Variants in ZBTB7C observed in about 807,000 individuals in gnomAD.
ZBTB7C encodes the protein zinc finger and BTB domain-containing protein 7C.
ZBTB7C carries 8 observed loss-of-function variants against 25.7 expected under a neutral mutation model. The ratio of observed to expected loss-of-function variants is 0.31; its 90% CI spans 0.18 to 0.56. The LOEUF (loss-of-function observed/expected upper bound fraction) is 0.56, where lower values mean the gene tolerates loss of function less well. ZBTB7C is among the 20% of genes least tolerant of loss of function. The pLI, the probability that ZBTB7C is intolerant of heterozygous loss-of-function variation, is 0.91. For synonymous variants in ZBTB7C, 394 were observed against 369.0 expected, an observed-to-expected ratio of 1.07 and a Z score of -0.78; for missense variants, 824 against 855.2, an observed-to-expected ratio of 0.96 and a Z score of 0.46.
At chr18:48,208,016 C>A (rs997892469) in intron 2 of ZBTB7C, among the ~76,000 whole-genome samples, 1 of 142,080 alleles carries the variant, frequency 7.0e-6, no homozygotes, top group Non-Finnish European at 1.5e-5. Flanking sequence ...GGACACTTTA[C>A]TGAAAAGGTA....
intron 2 of ZBTB7C, among the ~76,000 whole-genome samples, chr18:48,243,906 C>T (rs2043601243): frequency 6.6e-6 from 1 of 152,102 alleles, no homozygotes. Flanking sequence ...GCAAAGCAAA[C>T]AAAAACATAA....
chr18:48,059,562 T>C (rs1236757095), intron 3 of ZBTB7C, among the ~76,000 whole-genome samples: 2 of 152,184 alleles, frequency 1.3e-5, no homozygotes, highest in African/African-American at 4.8e-5. Flanking sequence ...AGTGGTCTCC[T>C]GGAGGGAGGG....
intron 2 of ZBTB7C, among the ~76,000 whole-genome samples, chr18:48,286,490 T>C (rs776661499): frequency 9.9e-5 from 15 of 152,064 alleles, no homozygotes; most frequent in Non-Finnish European, 2.2e-4. Flanking sequence ...AGATTACTAC[T>C]TGATGCAATA....
At chr18:48,187,700 A>G (rs2042091900) in intron 2 of ZBTB7C, among the ~76,000 whole-genome samples, 1 of 151,714 alleles carries the variant, frequency 6.6e-6, no homozygotes, top group Admixed American at 6.6e-5. Flanking sequence ...CGGTGCCTGT[A>G]GTACCAGCTA....
chr18:48,100,372 G>C (rs1189794732), intron 3 of ZBTB7C, among the ~76,000 whole-genome samples: 1 of 152,214 alleles, frequency 6.6e-6, no homozygotes, highest in African/African-American at 2.4e-5. Context: ...GGTTCTGCCA[G>C]AGGAAAATTC....
rs75390581 is a variant in ZBTB7C at position 48,311,147 on chromosome 18, C to T, written c.-79+27027G>A. ...GGGTAGGCATCTCTTCCTCATGTTC[C>T]CATAGCACCATCTGCTTCCTAAGGC... is the stretch of plus-strand genomic sequence containing the variant. On this transcript the variant is annotated intron_variant, in intron 2 of 4. Coordinates refer to ENST00000590800, the MANE Select transcript of ZBTB7C (RefSeq NM_001318841.2). Among the ~76,000 whole-genome samples the T allele has an allele frequency of 1.1e-3, 171 of 152,254 alleles. 2 individuals carry two copies. The East Asian group carries it at 0.032, about 28-fold the overall frequency.
At chr18:48,366,752 A>G (rs886761675) in intron 1 of ZBTB7C, among the ~76,000 whole-genome samples, 2 of 152,252 alleles carry the variant, frequency 1.3e-5, no homozygotes, top group African/African-American at 4.8e-5. Context: ...CAGTTTTCAT[A>G]TATCAGGTTG....
At chr18:48,112,643 C>T (rs1041940041) in intron 3 of ZBTB7C, among the ~76,000 whole-genome samples, 1 of 152,234 alleles carries the variant, frequency 6.6e-6, no homozygotes, top group East Asian at 1.9e-4. Flanking sequence ...GCCACCATGC[C>T]CGGCCTACTT....
chr18:48,208,725 C>T (rs542091710), intron 2 of ZBTB7C, among the ~76,000 whole-genome samples: 1 of 152,248 alleles, frequency 6.6e-6, no homozygotes, highest in Admixed American at 6.5e-5. Context: ...AGCTCACTCA[C>T]CTTCCCAACA....
chr18:48,181,894 T>G (rs1444546402), intron 3 of ZBTB7C, among the ~76,000 whole-genome samples: 2 of 152,222 alleles, frequency 1.3e-5, no homozygotes, highest in African/African-American at 4.8e-5. Flanking sequence ...CTTATTCTGT[T>G]TTAGGGTTTA....
chr18:48,295,148 A>T (rs924868315), intron 2 of ZBTB7C, among the ~76,000 whole-genome samples: 2 of 152,142 alleles, frequency 1.3e-5, no homozygotes. Flanking sequence ...TTCTGTACAC[A>T]TCAGCATTGC....
intron 2 of ZBTB7C, among the ~76,000 whole-genome samples, chr18:48,249,479 C>G (rs147629026): frequency 3.0e-4 from 45 of 152,232 alleles, no homozygotes; most frequent in Non-Finnish European, 3.7e-4. Flanking sequence ...ATCCACTGGT[C>G]ATTGAAAACA....
chr18:48,272,039 GCTCATGATGCAC>G (rs2044505554), intron 2 of ZBTB7C, among the ~76,000 whole-genome samples: 1 of 152,164 alleles, frequency 6.6e-6, no homozygotes, highest in South Asian at 2.1e-4. Flanking sequence ...TGATATCATT[GCTCATGATGCAC>G]CTCATGATGG....
chr18:48,150,456 C>T (rs1469252743), intron 3 of ZBTB7C: 1 of 152,020 alleles, frequency 6.6e-6, no homozygotes, highest in Non-Finnish European at 1.5e-5. Context: ...GTGGCATGCT[C>T]CTGTAATCCC....
intron 2 of ZBTB7C, among the ~76,000 whole-genome samples, chr18:48,248,756 CAA>C (rs1362659289): frequency 1.1e-4 from 17 of 152,042 alleles, no homozygotes; most frequent in Non-Finnish European, 2.4e-4. Context: ...ATAAAACACA[CAA>C]GAGATAGGTA....
At chr18:48,266,030 G>T (rs1353889078) in intron 2 of ZBTB7C, among the ~76,000 whole-genome samples, 3 of 152,156 alleles carry the variant, frequency 2.0e-5, no homozygotes, top group Admixed American at 6.5e-5. Context: ...ATAATATTCT[G>T]GGATGATGGA....
intron 3 of ZBTB7C, among the ~76,000 whole-genome samples, chr18:48,164,298 C>T (rs930693937): frequency 6.6e-6 from 1 of 152,168 alleles, no homozygotes; most frequent in Non-Finnish European, 1.5e-5. Context: ...GGGAGAGGAG[C>T]ATGTGGCCGC....
chr18:48,314,645 C>G (rs1400423225), intron 2 of ZBTB7C, among the ~76,000 whole-genome samples: 3 of 152,218 alleles, frequency 2.0e-5, no homozygotes, highest in Middle Eastern at 3.4e-3. Context: ...CAATCAGGCA[C>G]AAGACACAGC....
chr18:48,247,063 C>T (rs925570371), intron 2 of ZBTB7C, among the ~76,000 whole-genome samples: 3 of 152,180 alleles, frequency 2.0e-5, no homozygotes, highest in South Asian at 2.1e-4. Context: ...CACATCAAGA[C>T]GCTAAGCAGG....
Sources: gnomAD v4.1 joint callset for allele counts (sites outside exome capture counted in the v4.1 genomes callset) on GRCh38, gnomAD v4.1.1 for gene constraint, MANE v1.5 for transcripts, NCBI Gene and HGNC (gene_info 2026-07-23, HGNC 2026-07-21) for gene names.